Variants in SAMMSON observed in about 807,000 individuals in gnomAD.
The protein encoded by SAMMSON is long intergenic non-protein coding RNA 1212.
chr3:70,105,097 T>C (rs987487807), intron 4 of SAMMSON, among the ~76,000 whole-genome samples: 2 of 152,106 alleles, frequency 1.3e-5, no homozygotes, highest in Non-Finnish European at 2.9e-5. Flanking sequence ...ATTTTTTTTT[T>C]CTCCTTTCAT....
chr3:70,316,759 G>A (rs1674912409), intron 7 of SAMMSON, among the ~76,000 whole-genome samples: 2 of 151,918 alleles, frequency 1.3e-5, no homozygotes, highest in African/African-American at 4.8e-5. Flanking sequence ...ACACCACAAG[G>A]CATGCGAATT....
intron 9 of SAMMSON, among the ~76,000 whole-genome samples, chr3:70,376,018 G>GA (rs1703011315): frequency 6.6e-6 from 1 of 152,010 alleles, no homozygotes; most frequent in African/African-American, 2.4e-5. Context: ...AAGAGGAGGT[G>GA]AAAAAATGCT....
intron 4 of SAMMSON, among the ~76,000 whole-genome samples, chr3:70,082,590 T>G (rs924425740): frequency 6.6e-6 from 1 of 152,208 alleles, no homozygotes; most frequent in African/African-American, 2.4e-5. Flanking sequence ...ATGCACTTAC[T>G]TGCCAATACT....
intron 4 of SAMMSON, among the ~76,000 whole-genome samples, chr3:70,132,418 G>T (rs769728064): frequency 6.6e-6 from 1 of 152,110 alleles, no homozygotes; most frequent in Non-Finnish European, 1.5e-5. Context: ...GTACATGTTA[G>T]CCTACTACAC....
chr3:70,424,858 T>C (rs950729209), intron 2 of SAMMSON: 2 of 152,252 alleles, frequency 1.3e-5, no homozygotes, highest in East Asian at 3.9e-4. Context: ...CCCTCTCCAG[T>C]TGTGACAACT....
At chr3:70,005,949 C>T (rs1459551760) in intron 1 of SAMMSON, among the ~76,000 whole-genome samples, 1 of 152,138 alleles carries the variant, frequency 6.6e-6, no homozygotes, top group Non-Finnish European at 1.5e-5. Flanking sequence ...GCTTCATAAT[C>T]AAGAATTCAT....
intron 7 of SAMMSON, among the ~76,000 whole-genome samples, chr3:70,309,147 A>C (rs547552305): frequency 6.6e-6 from 1 of 152,262 alleles, no homozygotes; most frequent in African/African-American, 2.4e-5. Flanking sequence ...CACTGTAATA[A>C]AATGGTTTAA....
intron 7 of SAMMSON, among the ~76,000 whole-genome samples, chr3:70,353,964 A>G (rs536514760): frequency 6.6e-5 from 10 of 152,324 alleles, no homozygotes; most frequent in Admixed American, 5.2e-4. Context: ...GTTATCTACT[A>G]TGTGACTCCA....
intron 4 of SAMMSON, among the ~76,000 whole-genome samples, chr3:70,154,066 G>A (rs959312665): frequency 6.6e-6 from 1 of 151,366 alleles, no homozygotes; most frequent in Non-Finnish European, 1.5e-5. Context: ...TGGAGCTTCT[G>A]TAATACCAAA....
At chr3:70,075,228 C>G (rs1458280263) in intron 4 of SAMMSON, 1 of 152,098 alleles carries the variant, frequency 6.6e-6, no homozygotes, top group Non-Finnish European at 1.5e-5. Flanking sequence ...CACTAATTTA[C>G]TAAAGAATCT....
chr3:70,276,670 A>T (rs1702029866), intron 6 of SAMMSON, among the ~76,000 whole-genome samples: 1 of 152,232 alleles, frequency 6.6e-6, no homozygotes, highest in East Asian at 1.9e-4. Context: ...TGGTCTACAT[A>T]TGGCCTACTG....
At chr3:70,366,876 A>G (rs1381271004) in intron 9 of SAMMSON, among the ~76,000 whole-genome samples, 1 of 151,642 alleles carries the variant, frequency 6.6e-6, no homozygotes, top group East Asian at 1.9e-4. Flanking sequence ...ATTCTAATAT[A>G]TGTGTAGTGT....
intron 2 of SAMMSON, among the ~76,000 whole-genome samples, chr3:70,398,179 A>C (rs978843902): frequency 6.6e-6 from 1 of 152,180 alleles, no homozygotes; most frequent in Non-Finnish European, 1.5e-5. Flanking sequence ...AAAATTATAC[A>C]TGTCTATGGG....
chr3:70,188,701 C>A (rs141237317), intron 4 of SAMMSON, among the ~76,000 whole-genome samples: 1 of 152,138 alleles, frequency 6.6e-6, no homozygotes, highest in Non-Finnish European at 1.5e-5. Flanking sequence ...ACTAAGCCTA[C>A]GCTAAAGACT....
chr3:70,207,907 A>G (rs1453035289), intron 4 of SAMMSON, among the ~76,000 whole-genome samples: 1 of 151,974 alleles, frequency 6.6e-6, no homozygotes, highest in Non-Finnish European at 1.5e-5. Flanking sequence ...CCATGTAATG[A>G]TTGGGAGTCT....
At chr3:70,305,171 T>A (rs1219535192) in intron 7 of SAMMSON, among the ~76,000 whole-genome samples, 1 of 152,220 alleles carries the variant, frequency 6.6e-6, no homozygotes, top group East Asian at 1.9e-4. Context: ...ATCTACTTCA[T>A]GGTCTTGTTT....
chr3:70,036,806 G>T (rs951605883), intron 3 of SAMMSON, among the ~76,000 whole-genome samples: 2 of 151,910 alleles, frequency 1.3e-5, no homozygotes, highest in Non-Finnish European at 2.9e-5. Context: ...CTTTCTGCTT[G>T]CTCTATATTA....
At chr3:70,229,308 T>A (rs995238968) in intron 4 of SAMMSON, among the ~76,000 whole-genome samples, 1 of 152,184 alleles carries the variant, frequency 6.6e-6, no homozygotes, top group African/African-American at 2.4e-5. Context: ...AGTGCCTATA[T>A]TAGGAATATT....
At chr3:70,077,859 C>T (rs556130072) in intron 4 of SAMMSON, among the ~76,000 whole-genome samples, 7 of 152,252 alleles carry the variant, frequency 4.6e-5, no homozygotes, top group African/African-American at 1.4e-4. Flanking sequence ...AAATGACCCA[C>T]GGAAGAAATT....
Sources: gnomAD v4.1 joint callset for allele counts (sites outside exome capture counted in the v4.1 genomes callset) on GRCh38, gnomAD v4.1.1 for gene constraint, MANE v1.5 for transcripts, NCBI Gene and HGNC (gene_info 2026-07-23, HGNC 2026-07-21) for gene names.